Variants in KRCC1 observed in about 807,000 individuals in gnomAD.
KRCC1 encodes the protein lysine rich coiled-coil 1.
KRCC1 carries 3 observed loss-of-function variants against 7.4 expected under a neutral mutation model. That is an observed-to-expected ratio of 0.40 (90% CI 0.18 to 1.04). The LOEUF (loss-of-function observed/expected upper bound fraction) is 1.04, where lower values mean the gene tolerates loss of function less well. Among genes scored for constraint, KRCC1 ranks in the 50% least tolerant of loss-of-function variants. The pLI is 0.33. For synonymous variants in KRCC1, 102 were observed against 101.6 expected, an observed-to-expected ratio of 1.00 and a Z score of -0.02; for missense variants, 277 against 300.9, an observed-to-expected ratio of 0.92 and a Z score of 0.59.
chr2:88,045,282 T>C (rs1673305016), intron 1 of KRCC1, among the ~76,000 whole-genome samples: 1 of 152,308 alleles, frequency 6.6e-6, no homozygotes, highest in Non-Finnish European at 1.5e-5. Context: ...TCTATGAATG[T>C]TCACAGCAGC....
chr2:88,049,631 C>T (rs142901078), intron 1 of KRCC1, among the ~76,000 whole-genome samples: 148 of 152,232 alleles, frequency 9.7e-4, no homozygotes, highest in Non-Finnish European at 1.7e-3. Flanking sequence ...CCTGGGCAAT[C>T]GGAGTGAGAC....
intron 1 of KRCC1, among the ~76,000 whole-genome samples, chr2:88,053,659 A>C (rs2104632805): frequency 6.6e-6 from 1 of 152,334 alleles, no homozygotes; most frequent in South Asian, 2.1e-4. Flanking sequence ...ATTTTTAGTG[A>C]ACAGAAAAAG....
chr2:88,028,708 G>A, intron 3 of KRCC1, 123 bp from the exon 4 acceptor site: 1 of 643,810 alleles, frequency 1.6e-6, no homozygotes, highest in South Asian at 2.1e-5. Flanking sequence ...AGAGTGCAGT[G>A]GGGTTGCTCT....
At position 88,049,897 on chromosome 2, in the gene KRCC1, T is replaced by C. The variant is rs187267258; in HGVS notation, c.-291+5729A>G. On this transcript the variant is annotated intron_variant, in intron 1 of 3. Transcript: ENST00000347055. ...TTAACATAATGTGCTCTGGTGTGCCTGTAACAAACATGTCATGTGCAGAGC... is the reference window on the plus strand; with the variant it reads ...TTAACATAATGTGCTCTGGTGTGCCCGTAACAAACATGTCATGTGCAGAGC... Among the ~76,000 whole-genome samples, 38 of 152,372 alleles carry C rather than the reference T, an allele frequency of 2.5e-4. 1 individual carries two copies. The East Asian group carries it at 6.9e-3, about 28-fold the overall frequency.
intron 1 of KRCC1, among the ~76,000 whole-genome samples, chr2:88,038,251 G>A (rs1314722631): frequency 6.6e-6 from 1 of 152,156 alleles, no homozygotes; most frequent in Non-Finnish European, 1.5e-5. Flanking sequence ...TCCTGGAGAA[G>A]AGGGAAAAAG....
chr2:88,043,038 T>G (rs1353023304), intron 1 of KRCC1, among the ~76,000 whole-genome samples: 2 of 152,232 alleles, frequency 1.3e-5, no homozygotes, highest in Non-Finnish European at 2.9e-5. Context: ...ACTACTCTCC[T>G]TCTTACGGGT....
chr2:88,045,364 A>C (rs1423090934), intron 1 of KRCC1, among the ~76,000 whole-genome samples: 7 of 152,238 alleles, frequency 4.6e-5, no homozygotes, highest in Admixed American at 4.6e-4. Flanking sequence ...GCAAAATGTG[A>C]TATATACCCA....
chr2:88,039,225 A>AC (rs1294376171), intron 1 of KRCC1, among the ~76,000 whole-genome samples: 1 of 152,218 alleles, frequency 6.6e-6, no homozygotes, highest in Non-Finnish European at 1.5e-5. Flanking sequence ...AATATACAGG[A>AC]CTTTGTACTT....
chr2:88,054,934 A>G (rs1197150558), intron 1 of KRCC1, among the ~76,000 whole-genome samples: 2 of 152,084 alleles, frequency 1.3e-5, no homozygotes, highest in Non-Finnish European at 2.9e-5. Context: ...GCGCCACTGC[A>G]CTCCAGCCTG....
At chr2:88,052,715 C>A (rs1008542565) in intron 1 of KRCC1, among the ~76,000 whole-genome samples, 1 of 152,170 alleles carries the variant, frequency 6.6e-6, no homozygotes, top group Non-Finnish European at 1.5e-5. Context: ...ATACATTTCC[C>A]TTTTTGATCT....
At chr2:88,039,690 A>AAT (rs199781239) in intron 1 of KRCC1, among the ~76,000 whole-genome samples, 2,328 of 151,698 alleles carry the variant, frequency 0.015, 24 homozygotes, top group South Asian at 0.038. Context: ...TGTCTCAGAA[A>AAT]ATATATATAT....
chr2:88,040,336 C>T (rs1472401178), intron 1 of KRCC1, among the ~76,000 whole-genome samples: 3 of 152,158 alleles, frequency 2.0e-5, no homozygotes, highest in Non-Finnish European at 4.4e-5. Flanking sequence ...ATTTTCAAAG[C>T]TATTCTTTCA....
chr2:88,029,348 A>G (rs1347578856), intron 3 of KRCC1, among the ~76,000 whole-genome samples: 1 of 152,246 alleles, frequency 6.6e-6, no homozygotes, highest in Non-Finnish European at 1.5e-5. Context: ...TTTACTCAAG[A>G]TAAAATAAAC....
intron 1 of KRCC1, among the ~76,000 whole-genome samples, chr2:88,054,729 CCT>C (rs943933278): frequency 4.6e-5 from 7 of 152,180 alleles, no homozygotes; most frequent in African/African-American, 7.2e-5. Context: ...CAGTCTTTCC[CCT>C]CTGTCAGGAG....
intron 1 of KRCC1, among the ~76,000 whole-genome samples, chr2:88,038,267 G>A (rs1421462635): frequency 6.6e-6 from 1 of 152,152 alleles, no homozygotes; most frequent in Non-Finnish European, 1.5e-5. Context: ...AAAAGACAAG[G>A]ATGGTGACAT....
chr2:88,039,894 G>C (rs1438385670), intron 1 of KRCC1, among the ~76,000 whole-genome samples: 3 of 151,878 alleles, frequency 2.0e-5, no homozygotes, highest in Non-Finnish European at 4.4e-5. Context: ...GTTTGGCGTA[G>C]TGCTTCGTGC....
intron 1 of KRCC1, among the ~76,000 whole-genome samples, chr2:88,053,607 G>C (rs564035451): frequency 7.2e-5 from 11 of 152,288 alleles, no homozygotes; most frequent in South Asian, 4.1e-4. Flanking sequence ...TTCACTAAGA[G>C]AACTTAATAG....
Position 88,036,793 on chromosome 2 carries a change from T to C in KRCC1, c.-182+150A>G, listed in dbSNP as rs549828776. 8.5e-5 allele frequency: 13 copies of C among 152,294 alleles called. No homozygotes were observed. In the Middle Eastern group the frequency reaches 0.01, roughly 120 times the overall value. The allele number at this position is 152,294 out of a possible 1,614,324, so 9.4% of individuals were successfully genotyped here. On this transcript the variant is annotated intron_variant, in intron 2 of 3. Coordinates refer to ENST00000347055, the MANE Select transcript of KRCC1 (RefSeq NM_016618.3). ...TGAATTTAAATCCTACTTCCCCAAATGTAAGTCAGGAAGTTATTTCCCTTT... is the reference window on the plus strand; with the variant it reads ...TGAATTTAAATCCTACTTCCCCAAACGTAAGTCAGGAAGTTATTTCCCTTT...
intron 1 of KRCC1, among the ~76,000 whole-genome samples, chr2:88,048,840 T>A (rs1439165754): frequency 6.6e-6 from 1 of 152,216 alleles, no homozygotes; most frequent in Non-Finnish European, 1.5e-5. Context: ...TTTGGGAGAC[T>A]AGGCAACTGA....
Sources: gnomAD v4.1 joint callset for allele counts (sites outside exome capture counted in the v4.1 genomes callset) on GRCh38, gnomAD v4.1.1 for gene constraint, MANE v1.5 for transcripts, NCBI Gene and HGNC (gene_info 2026-07-23, HGNC 2026-07-21) for gene names.